The following ENDOU variants were observed in gnomAD, a reference collection of about 807,000 sequenced individuals.
ENDOU encodes uridylate-specific endoribonuclease.
In ENDOU, 49 loss-of-function variants were observed where a neutral mutation model predicts 54.2. That is an observed-to-expected ratio of 0.90 (90% confidence interval 0.72 to 1.15). The LOEUF is 1.15. Ranked by LOEUF, ENDOU falls within the 50% of genes most tolerant of loss-of-function variation. The pLI is 0.00. For missense variants in ENDOU, 458 were observed against 511.4 expected, an observed-to-expected ratio of 0.90 and a Z score of 1.01; for synonymous variants, 172 against 190.5, an observed-to-expected ratio of 0.90 and a Z score of 0.80.
chr12:47,713,193 A>T, intron 7 of ENDOU, 82 bp downstream of exon 7: 1 of 962,078 alleles, frequency 1.0e-6, no homozygotes, highest in Non-Finnish European at 1.7e-6. Context: ...TGATTAATCC[A>T]CACCCAGGGC....
At chr12:47,715,680 A>C (rs1940200782) in intron 6 of ENDOU, among the ~76,000 whole-genome samples, 4 of 152,252 alleles carry the variant, frequency 2.6e-5, no homozygotes, top group Admixed American at 2.0e-4. Flanking sequence ...AGGAATCTGC[A>C]GGACAGTAAC....
At chr12:47,719,904 A>G (rs1940378324) in intron 2 of ENDOU, 1 of 152,238 alleles carries the variant, frequency 6.6e-6, no homozygotes, top group African/African-American at 2.4e-5. Flanking sequence ...CTCAGCAGAC[A>G]CAACTCTTCA....
Position 47,713,197 on chromosome 12 carries a change from C to G in ENDOU, c.865+78G>C, listed in dbSNP as rs916449819. On this transcript the variant is annotated intron_variant, in intron 7 of 9. Coordinates refer to ENST00000422538, the MANE Select transcript of ENDOU (RefSeq NM_001172439.2). ...GGCTGGACTGCTGATTAATCCACACCCAGGGCTGCCCTGCTCCTGAGCAAA... is the reference window on the plus strand; with the variant it reads ...GGCTGGACTGCTGATTAATCCACACGCAGGGCTGCCCTGCTCCTGAGCAAA... 1.2e-5 allele frequency: 12 copies of G among 1,000,798 alleles called. No homozygotes were observed. The African/African-American group carries it at 1.7e-4, about 15-fold the overall frequency. The allele number at this position is 1,000,798 out of a possible 1,614,324, so 62.0% of individuals were successfully genotyped here.
In ENDOU at chr12:47,725,393, C is replaced by T; in HGVS notation, c.21G>A (p.Leu7=). The change falls in exon 1 of 10, where the codon CTG becomes CTA. Residue 7 remains leucine (L), a synonymous_variant. Coordinates refer to ENST00000422538, the MANE Select transcript of ENDOU (RefSeq NM_001172439.2). The part of the protein sequence containing the change: MRACIS[L]VLAVLCGLAW... ...CCAGGCCACACAGCACGGCCAATAC[C>T]AGGGAGATGCAGGCCCTCATGGTGC... 6 of 1,614,194 alleles carry T rather than the reference C, an allele frequency of 3.7e-6. No homozygotes were observed. The highest frequency in any genetic ancestry group is 5.1e-6 in the Non-Finnish European group (6 of 1,180,032).
At position 47,720,501 on chromosome 12, in the gene ENDOU, A is replaced by G. The variant is rs1592512556; in HGVS notation, c.178+252T>C. 3 of 356,646 alleles carry G rather than the reference A, an allele frequency of 8.4e-6. 1 individual carries two copies. In the East Asian group the frequency reaches 1.3e-4, roughly 16 times the overall value. The allele number at this position is 356,646 out of a possible 1,614,324, so 22.1% of individuals were successfully genotyped here. On this transcript the variant is annotated intron_variant, in intron 2 of 9. Coordinates refer to ENST00000422538, the MANE Select transcript of ENDOU (RefSeq NM_001172439.2). The stretch of plus-strand genomic sequence containing the variant: ...AGAATTTAGTACTTAAACTTTCAAG[A>G]TATTGTTAAAACTGATATTTCAGAC...
At chr12:47,720,719 G>T in intron 2 of ENDOU, 34 bp downstream of exon 2, 4 of 1,533,974 alleles carry the variant, frequency 2.6e-6, no homozygotes, top group Non-Finnish European at 2.6e-6. Flanking sequence ...CCTTAGACAG[G>T]CTGGACATGC....
chr12:47,722,780 A>G (rs1384136527), intron 1 of ENDOU, among the ~76,000 whole-genome samples: 8 of 152,198 alleles, frequency 5.3e-5, no homozygotes, highest in Non-Finnish European at 1.0e-4. Context: ...CATTGGGTCA[A>G]GGTTAACCCG....
rs778918455 is a variant in ENDOU at position 47,710,876 on chromosome 12, A to G, written c.1159T>C (p.Tyr387His). ...CCATAGGTGGACTTGTCCCAGGTATATGTCCGGACAGCTAAGGGATATCCT... is the reference window on the plus strand; with the variant it reads ...CCATAGGTGGACTTGTCCCAGGTATGTGTCCGGACAGCTAAGGGATATCCT... The part of the protein sequence containing the change: ...LGGYPLAVRT[Y>H]TWDKSTYGNG... The change falls in exon 10 of 10, where the codon TAT becomes CAT. Residue 387 changes from tyrosine to histidine, a missense_variant. Tyr to His is a moderately conservative substitution (Grantham distance 83). Transcript: ENST00000422538. 17 of 1,614,048 alleles carry G rather than the reference A, an allele frequency of 1.1e-5. No homozygotes were observed. The highest frequency in any genetic ancestry group is 1.4e-5 in the Non-Finnish European group (17 of 1,179,932).
In ENDOU at chr12:47,716,310, G is replaced by A. The variant is rs1940230142; in HGVS notation, c.741C>T (p.Leu247=). The A allele has an allele frequency of 6.2e-7, 1 of 1,613,944 alleles. No homozygotes were observed. The highest frequency in any genetic ancestry group is 1.3e-5 in the African/African-American group (1 of 74,918). The change falls in exon 6 of 10, where the codon CTC becomes CTT. Residue 247 remains leucine, a synonymous_variant. Coordinates refer to ENST00000422538, the MANE Select transcript of ENDOU (RefSeq NM_001172439.2). ...GGGGTGCTCACTCACTCTGGTGATG[G>A]AGGAAGCTGTAGAGCTCCTTCATGA... The part of the protein sequence containing the change: ...TAVMKELYSF[L]HHQNRYGSEQ...
intron 7 of ENDOU, 116 bp from the exon 8 acceptor site, chr12:47,712,738 G>C: frequency 1.4e-6 from 1 of 733,780 alleles, no homozygotes; most frequent in Non-Finnish European, 2.3e-6. Flanking sequence ...ACTTCTAGCT[G>C]CTTGACCCCT....
chr12:47,718,017 C>T (rs1940317189), intron 3 of ENDOU, 112 bp downstream of exon 3: 4 of 961,520 alleles, frequency 4.2e-6, no homozygotes, highest in Non-Finnish European at 6.3e-6. Context: ...ACAAGCCTCT[C>T]TCATCTGGCT....
At position 47,716,506 on chromosome 12, in the gene ENDOU, G is replaced by A; in HGVS notation, c.552-7C>T. 2 of 1,612,766 alleles carry A rather than the reference G, an allele frequency of 1.2e-6. No individual in the cohort carries two copies. The highest frequency in any genetic ancestry group is 1.7e-6 in the Non-Finnish European group (2 of 1,179,776). On this transcript the variant is annotated splice_region_variant and splice_polypyrimidine_tract_variant and intron_variant, in intron 5 of 9. Transcript: ENST00000422538. ...ATTGACATAAGTGAAGAGTCTGGGG[G>A]AGGCAGAGGGGAGCCCCACTGAGAG...
chr12:47,717,955 C>G (rs1040573358), intron 3 of ENDOU, 174 bp downstream of exon 3: 6 of 649,470 alleles, frequency 9.2e-6, no homozygotes, highest in African/African-American at 5.5e-5. Context: ...CATGGCCCCC[C>G]AGGCTGGCTG....
chr12:47,723,069 G>A (rs1379148903), intron 1 of ENDOU, among the ~76,000 whole-genome samples: 3 of 152,212 alleles, frequency 2.0e-5, no homozygotes, highest in Admixed American at 6.5e-5. Flanking sequence ...GGCCAAATCA[G>A]CAGAGTCCAG....
chr12:47,720,679 C>A, intron 2 of ENDOU, 74 bp downstream of exon 2: 1 of 1,498,682 alleles, frequency 6.7e-7, no homozygotes, highest in South Asian at 1.2e-5. Flanking sequence ...GAACGCTGCT[C>A]TGGCCTGCTG....
chr12:47,716,792 T>C (rs1014808012), intron 5 of ENDOU, 98 bp downstream of exon 5: 25 of 1,274,490 alleles, frequency 2.0e-5, no homozygotes, highest in Non-Finnish European at 2.5e-5. Context: ...GCTCTCCCTT[T>C]GATCGTGCCT....
At position 47,710,874 on chromosome 12, in the gene ENDOU, A is replaced by G. The variant is rs1056459908; in HGVS notation, c.1161T>C (p.Tyr387=). The G allele has an allele frequency of 8.1e-6, 13 of 1,613,930 alleles. No individual in the cohort carries two copies. The highest frequency in any genetic ancestry group is 2.2e-5 in the East Asian group (1 of 44,886). ...TCCCATAGGTGGACTTGTCCCAGGT[A>G]TATGTCCGGACAGCTAAGGGATATC... ...LGGYPLAVRT[Y]TWDKSTYGNG... is the part of the protein sequence containing the mutation. The change falls in exon 10 of 10, where the codon TAT becomes TAC. Residue 387 remains tyrosine (Y), a synonymous_variant. Coordinates refer to ENST00000422538, the MANE Select transcript of ENDOU (RefSeq NM_001172439.2).
intron 2 of ENDOU, chr12:47,719,101 G>A (rs1565735704): frequency 6.6e-6 from 1 of 152,146 alleles, no homozygotes. Context: ...AATTTTGTGT[G>A]CTGAGCTGGA....
At chr12:47,720,632 G>A (rs1364580353) in intron 2 of ENDOU, 121 bp downstream of exon 2, 1 of 1,080,114 alleles carries the variant, frequency 9.3e-7, no homozygotes, top group Non-Finnish European at 1.3e-6. Context: ...GTCCCTCAGT[G>A]CTTTCTGTCC....
Sources: gnomAD v4.1 joint callset for allele counts (sites outside exome capture counted in the v4.1 genomes callset) on GRCh38, gnomAD v4.1.1 for gene constraint, MANE v1.5 for transcripts, NCBI Gene and HGNC (gene_info 2026-07-23, HGNC 2026-07-21) for gene names.